The following AOAH variants were observed in gnomAD, a reference collection of about 807,000 sequenced individuals.
The protein encoded by AOAH is acyloxyacyl hydrolase (neutrophil).
A neutral mutation model predicts 92.2 loss-of-function variants in AOAH; 64 were observed. The ratio of observed to expected loss-of-function variants is 0.69; its 90% CI spans 0.57 to 0.86. The LOEUF (loss-of-function observed/expected upper bound fraction) is 0.86, where lower values mean the gene tolerates loss of function less well. Among genes scored for constraint, AOAH ranks in the 40% least tolerant of loss-of-function variants. The pLI is 0.00. For missense variants in AOAH, 656 were observed against 694.6 expected (o/e 0.94, Z 0.62); for synonymous variants, 263 against 254.5 (o/e 1.03, Z -0.32).
intron 13 of AOAH, among the ~76,000 whole-genome samples, chr7:36,563,205 C>T (rs991985038): frequency 6.8e-6 from 1 of 148,032 alleles, no homozygotes; most frequent in Non-Finnish European, 1.5e-5. Flanking sequence ...GTTTGCCCCA[C>T]CTTCCTGGGA....
chr7:36,674,297 T>A (rs549230726), intron 2 of AOAH, among the ~76,000 whole-genome samples: 5 of 152,366 alleles, frequency 3.3e-5, no homozygotes, highest in African/African-American at 1.2e-4. Context: ...TTTCTTTTTT[T>A]TCTACAGGGA....
chr7:36,629,431 AT>A (rs1792912973), intron 6 of AOAH, among the ~76,000 whole-genome samples: 2 of 152,192 alleles, frequency 1.3e-5, no homozygotes, highest in South Asian at 2.1e-4. Context: ...AGGGGGCTCG[AT>A]TTAATGGGAG....
At chr7:36,715,061 T>C (rs1799038492) in intron 1 of AOAH, among the ~76,000 whole-genome samples, 1 of 152,174 alleles carries the variant, frequency 6.6e-6, no homozygotes, top group African/African-American at 2.4e-5. Context: ...GATGACATGA[T>C]TGTATATCTA....
chr7:36,538,008 C>CTTTT (rs200856759), intron 16 of AOAH, among the ~76,000 whole-genome samples: 1 of 127,910 alleles, frequency 7.8e-6, no homozygotes, highest in Non-Finnish European at 1.7e-5. Context: ...TTCGTACATT[C>CTTTT]TTTTTTTTTT....
At position 36,588,822 on chromosome 7, in the gene AOAH, T is replaced by C. The variant is rs143423163; in HGVS notation, c.938+5517A>G. ...CTGAAGAGCATTATTGTACCACTTA[T>C]AACAATGGCTTTGTCTGAGTATTTG... On this transcript the variant is annotated intron_variant, in intron 12 of 20. Transcript: ENST00000617537. Among the ~76,000 whole-genome samples the C allele has an allele frequency of 7.0e-3, 1,070 of 152,328 alleles. 11 individuals are homozygous for C. Among genetic ancestry groups the C allele is most frequent in the African/African-American group, 0.025 (1,032 of 41,582 alleles).
At chr7:36,535,284 G>A (rs1474698244) in intron 16 of AOAH, among the ~76,000 whole-genome samples, 1 of 152,062 alleles carries the variant, frequency 6.6e-6, no homozygotes, top group Non-Finnish European at 1.5e-5. Flanking sequence ...GCTTAGTGAC[G>A]GTTTGCGTCT....
At chr7:36,690,834 A>C (rs999757802) in intron 1 of AOAH, among the ~76,000 whole-genome samples, 3 of 152,212 alleles carry the variant, frequency 2.0e-5, no homozygotes, top group Admixed American at 6.5e-5. Flanking sequence ...CCCGAATAAA[A>C]ACAGCTGCCA....
chr7:36,605,428 G>A (rs912125506), intron 11 of AOAH, among the ~76,000 whole-genome samples: 3 of 152,168 alleles, frequency 2.0e-5, no homozygotes, highest in African/African-American at 7.2e-5. Context: ...AGTGAAGCAG[G>A]TGACAGACAT....
chr7:36,712,622 C>T (rs1798842936), intron 1 of AOAH, among the ~76,000 whole-genome samples: 1 of 152,208 alleles, frequency 6.6e-6, no homozygotes, highest in Admixed American at 6.5e-5. Context: ...ATCAGACTAA[C>T]AGCGGATCTC....
At position 36,517,155 on chromosome 7, in the gene AOAH, A is replaced by AGTCT. The variant is rs1418750216; in HGVS notation, c.1600-3779_1600-3776dup. Among the ~76,000 whole-genome samples, 199 of 66,584 alleles carry AGTCT rather than the reference A, an allele frequency of 3.0e-3. 1 individual carries two copies. The highest frequency in any genetic ancestry group is 0.01 in the African/African-American group (172 of 16,838). The allele number at this position is 66,584 out of a possible 152,430, so 43.7% of individuals were successfully genotyped here. ...ACCCTTTCCTCTCTTTATCCATGTTAGTCTTTCTTTCTTTCTTTCTTTCTT... is the reference window on the plus strand; with the variant it reads ...ACCCTTTCCTCTCTTTATCCATGTTAGTCTGTCTTTCTTTCTTTCTTTCTTTCTT... On this transcript the variant is annotated intron_variant, in intron 20 of 20. Transcript: ENST00000617537.
chr7:36,598,534 T>G (rs1260525264), intron 11 of AOAH, among the ~76,000 whole-genome samples: 1 of 152,208 alleles, frequency 6.6e-6, no homozygotes, highest in Non-Finnish European at 1.5e-5. Context: ...AAAGACACAG[T>G]CAGAAGCAGG....
At chr7:36,659,414 T>G in intron 3 of AOAH, 149 bp from the exon 4 acceptor site, 1 of 642,976 alleles carries the variant, frequency 1.6e-6, no homozygotes, top group Non-Finnish European at 2.8e-6. Context: ...CCCGGGGAGC[T>G]GCTGGATGGT....
At chr7:36,579,123 C>G (rs1583864300) in intron 12 of AOAH, among the ~76,000 whole-genome samples, 1 of 151,996 alleles carries the variant, frequency 6.6e-6, no homozygotes, top group Non-Finnish European at 1.5e-5. Flanking sequence ...AAATCCGCCT[C>G]CATGTTTCAA....
rs138485663 is a variant in AOAH at position 36,566,831 on chromosome 7, G to A, written c.1021+9743C>T. On this transcript the variant is annotated intron_variant, in intron 13 of 20. Transcript: ENST00000617537. ...AACTTCAGTGAACACACTGCGCAGAGCCCCCTCTCAAGGGCTGGCAGACCA... is the reference window on the plus strand; with the variant it reads ...AACTTCAGTGAACACACTGCGCAGAACCCCCTCTCAAGGGCTGGCAGACCA... Among the ~76,000 whole-genome samples the A allele has an allele frequency of 2.2e-4, 34 of 152,224 alleles. 2 individuals are homozygous for A. The highest frequency in any genetic ancestry group is 7.5e-4 in the African/African-American group (31 of 41,520).
intron 1 of AOAH, among the ~76,000 whole-genome samples, chr7:36,719,422 T>C (rs1799474470): frequency 6.6e-6 from 1 of 152,128 alleles, no homozygotes. Flanking sequence ...GCAAATTTGA[T>C]TACTCAACAA....
At chr7:36,630,471 G>A (rs1230917092) in intron 6 of AOAH, among the ~76,000 whole-genome samples, 2 of 152,188 alleles carry the variant, frequency 1.3e-5, no homozygotes, top group Admixed American at 1.3e-4. Context: ...AGTCATTAAA[G>A]CATCACTTGT....
intron 16 of AOAH, among the ~76,000 whole-genome samples, chr7:36,535,591 G>A (rs142805681): frequency 5.4e-4 from 83 of 152,306 alleles, no homozygotes; most frequent in Non-Finnish European, 1.1e-3. Context: ...ACTAGCAGAC[G>A]AATTTGCAGC....
chr7:36,593,087 A>T (rs1380324081), intron 12 of AOAH, among the ~76,000 whole-genome samples: 3 of 151,954 alleles, frequency 2.0e-5, no homozygotes, highest in Non-Finnish European at 4.4e-5. Flanking sequence ...ACTTCCATGA[A>T]CTCTTTTTCC....
intron 11 of AOAH, among the ~76,000 whole-genome samples, chr7:36,595,192 T>C (rs1790016443): frequency 1.3e-5 from 2 of 152,288 alleles, no homozygotes; most frequent in African/African-American, 2.4e-5. Context: ...AAAAAGCTTA[T>C]CTAAATTGGT....
Sources: allele counts gnomAD v4.1 joint callset (sites outside exome capture counted in the v4.1 genomes callset), GRCh38; gene constraint gnomAD v4.1.1; transcripts MANE v1.5; gene names NCBI Gene and HGNC (gene_info 2026-07-23, HGNC 2026-07-21).